The following UGT1A8 variants were observed in gnomAD, a reference collection of about 807,000 sequenced individuals.
UGT1A8 encodes UDP glucuronosyltransferase family 1 member A8.
A neutral mutation model predicts 45.3 loss-of-function variants in UGT1A8; 39 were observed. That is an observed-to-expected ratio of 0.86 (90% CI 0.67 to 1.12). The LOEUF (loss-of-function observed/expected upper bound fraction) is 1.12, where lower values mean the gene tolerates loss of function less well. UGT1A8 is among the 50% of genes most tolerant of loss of function. The pLI is 0.00. For missense variants in UGT1A8, 719 were observed against 664.9 expected (o/e 1.08, Z -0.90); for synonymous variants, 275 against 249.2 (o/e 1.10, Z -0.97).
chr2:233,728,830 A>G (rs2077754446), intron 1 of UGT1A8, among the ~76,000 whole-genome samples: 1 of 152,224 alleles, frequency 6.6e-6, no homozygotes. Context: ...GGGTGTTCAC[A>G]GCCTTGTGTT....
chr2:233,743,824 G>T, intron 1 of UGT1A8: 1 of 1,367,262 alleles, frequency 7.3e-7, no homozygotes, highest in Non-Finnish European at 9.8e-7. Flanking sequence ...TTTTGTCGGG[G>T]TGCCACTTGA....
At chr2:233,738,975 T>A (rs1575626869) in intron 1 of UGT1A8, 1 of 152,266 alleles carries the variant, frequency 6.6e-6, no homozygotes, top group South Asian at 2.1e-4. Flanking sequence ...CACTGCTGTG[T>A]GCAGCCTCAG....
chr2:233,639,061 T>C (rs1408492841), intron 1 of UGT1A8, among the ~76,000 whole-genome samples: 1 of 152,224 alleles, frequency 6.6e-6, no homozygotes, highest in Non-Finnish European at 1.5e-5. Context: ...GCTGAGTTTA[T>C]TGTGGCTCAC....
chr2:233,646,920 T>A (rs758452630), intron 1 of UGT1A8, among the ~76,000 whole-genome samples: 6 of 152,218 alleles, frequency 3.9e-5, no homozygotes, highest in Non-Finnish European at 8.8e-5. Context: ...TAGTCTGTTT[T>A]CATGCTGCTG....
intron 1 of UGT1A8, among the ~76,000 whole-genome samples, chr2:233,733,852 A>G (rs1004381201): frequency 1.3e-5 from 2 of 151,136 alleles, no homozygotes; most frequent in African/African-American, 2.4e-5. Flanking sequence ...CTCTTTTTCT[A>G]TTGATTGGAA....
chr2:233,769,313 C>G lies in UGT1A8; in HGVS notation c.1295+874C>G, dbSNP rs1699834198. 6.6e-6 allele frequency among the ~76,000 whole-genome samples: 1 copy of G among 152,226 alleles called. No homozygotes were observed. Among genetic ancestry groups the G allele is most frequent in the Admixed American group, 6.5e-5 (1 of 15,282 alleles). ...TTAAAGTTAGTATATTACTGTCAAG[C>G]TCACTGGTAATAGGCTTATTAGAAC... is the stretch of plus-strand genomic sequence containing the variant. On this transcript the variant is annotated intron_variant, in intron 4 of 4. Coordinates refer to ENST00000373450, the MANE Select transcript of UGT1A8 (RefSeq NM_019076.5). This position sits in a 1 kb window ranked among gnomAD's most constrained non-coding sequence, Gnocchi z 4.4.
chr2:233,755,408 A>G (rs886813938), intron 1 of UGT1A8: 6 of 332,530 alleles, frequency 1.8e-5, no homozygotes, highest in Non-Finnish European at 2.9e-5. Flanking sequence ...TCATTGGCCG[A>G]GGCCTGTGAG....
At chr2:233,659,610 G>A (rs1336060812) in intron 1 of UGT1A8, among the ~76,000 whole-genome samples, 2 of 152,142 alleles carry the variant, frequency 1.3e-5, no homozygotes, top group Non-Finnish European at 2.9e-5. Context: ...GATGGCAGAT[G>A]AGGAAGAGGT....
chr2:233,710,061 T>A (rs1192849340), intron 1 of UGT1A8, among the ~76,000 whole-genome samples: 1 of 152,254 alleles, frequency 6.6e-6, no homozygotes. Context: ...CTCGGCATAA[T>A]GTCTCTTCAG....
intron 1 of UGT1A8, chr2:233,748,105 C>A: frequency 6.2e-7 from 1 of 1,612,580 alleles, no homozygotes; most frequent in Admixed American, 1.7e-5. Context: ...TTCATCCAAT[C>A]AATGTTCCAG....
intron 1 of UGT1A8, among the ~76,000 whole-genome samples, chr2:233,716,722 T>A (rs1048158654): frequency 6.6e-5 from 10 of 152,206 alleles, no homozygotes; most frequent in African/African-American, 2.2e-4. Context: ...AGTTCCAGTT[T>A]ATATGTTTAG....
At chr2:233,682,196 G>A in intron 1 of UGT1A8, 1 of 1,614,190 alleles carries the variant, frequency 6.2e-7, no homozygotes, top group Non-Finnish European at 8.5e-7. Context: ...GGAGGATCAG[G>A]ACCGGGAGTT....
At chr2:233,755,183 C>G (rs564578980) in intron 1 of UGT1A8, 175 of 1,199,670 alleles carry the variant, frequency 1.5e-4, no homozygotes, top group Middle Eastern at 2.2e-4. Context: ...CGGGGTGCCA[C>G]TTGAGCGCCA....
intron 1 of UGT1A8, among the ~76,000 whole-genome samples, chr2:233,640,080 C>A (rs1322189342): frequency 3.3e-5 from 5 of 152,184 alleles, no homozygotes; most frequent in African/African-American, 1.2e-4. Flanking sequence ...AAGATCTGTG[C>A]TTTCCCCATT....
chr2:233,743,650 G>A (rs556129739), intron 1 of UGT1A8: 20 of 1,367,276 alleles, frequency 1.5e-5, no homozygotes, highest in Admixed American at 1.9e-5. Context: ...AGCTGAAGAC[G>A]TACTCGAAGG....
intron 1 of UGT1A8, among the ~76,000 whole-genome samples, chr2:233,745,477 A>G (rs1693119079): frequency 6.6e-6 from 1 of 151,704 alleles, no homozygotes; most frequent in African/African-American, 2.4e-5. Context: ...AAAATGATTA[A>G]CCAAAGAACA....
chr2:233,624,826 C>A (rs1210410469), intron 1 of UGT1A8, among the ~76,000 whole-genome samples: 1 of 152,024 alleles, frequency 6.6e-6, no homozygotes, highest in Non-Finnish European at 1.5e-5. Context: ...CATCAGTGTT[C>A]TGTAGTTTTC....
chr2:233,684,600 A>G (rs918853342), intron 1 of UGT1A8, among the ~76,000 whole-genome samples: 11 of 152,176 alleles, frequency 7.2e-5, no homozygotes, highest in Non-Finnish European at 1.5e-4. Flanking sequence ...ATAGTTTTAC[A>G]TATTTTGGTT....
At chr2:233,731,160 C>T (rs1477166439) in intron 1 of UGT1A8, among the ~76,000 whole-genome samples, 4 of 151,954 alleles carry the variant, frequency 2.6e-5, no homozygotes, top group South Asian at 2.1e-4. Flanking sequence ...TTTGATCAAA[C>T]GACATGATTT....
Sources: gnomAD v4.1 joint callset for allele counts (sites outside exome capture counted in the v4.1 genomes callset) on GRCh38, gnomAD v4.1.1 for gene constraint, Gnocchi (gnomAD v3.1) non-coding constraint, MANE v1.5 for transcripts, NCBI Gene and HGNC (gene_info 2026-07-23, HGNC 2026-07-21) for gene names.